RPS6KC1: variants seen among roughly 807,000 people sequenced by gnomAD.
The protein encoded by RPS6KC1 is ribosomal protein S6 kinase C1.
A neutral mutation model predicts 103.8 loss-of-function variants in RPS6KC1; 54 were observed. The observed-to-expected ratio is 0.52, with a 90% confidence interval of 0.42 to 0.65. The LOEUF (loss-of-function observed/expected upper bound fraction) is 0.65. Ranked by LOEUF, RPS6KC1 falls within the 30% of genes least tolerant of loss-of-function variation. The pLI is 0.00. For synonymous variants in RPS6KC1, 439 were observed against 438.7 expected (o/e 1.00, Z -0.01); for missense variants, 1,151 against 1,253.8 (o/e 0.92, Z 1.24).
intron 8 of RPS6KC1, among the ~76,000 whole-genome samples, chr1:213,195,427 G>C (rs2092909271): frequency 6.6e-6 from 1 of 152,016 alleles, no homozygotes; most frequent in Non-Finnish European, 1.5e-5. Flanking sequence ...GAAATAAAAA[G>C]TTTTAAAAAT....
the RPS6KC1 span, among the ~76,000 whole-genome samples, chr1:213,566,954 T>C: frequency 6.6e-6 from 1 of 152,222 alleles, no homozygotes; most frequent in East Asian, 1.9e-4. Flanking sequence ...TGCTTCCTTA[T>C]GTGCTCTTTT....
intron 3 of RPS6KC1, among the ~76,000 whole-genome samples, chr1:213,096,204 G>C (rs182594094): frequency 3.3e-5 from 5 of 152,286 alleles, no homozygotes; most frequent in African/African-American, 4.8e-5. Flanking sequence ...GACTTTCTCT[G>C]CTCGTCCATA....
chr1:213,333,887 G>C, the RPS6KC1 span, among the ~76,000 whole-genome samples: 1 of 152,112 alleles, frequency 6.6e-6, no homozygotes, highest in Non-Finnish European at 1.5e-5. Context: ...TCACAATGTT[G>C]GCCAGGCTGA....
rs74140567 is a variant in RPS6KC1, at chr1:213,134,851, A to T, written c.835+4962A>T. Among the ~76,000 whole-genome samples, 386 of 152,272 alleles carry T rather than the reference A, an allele frequency of 2.5e-3. 2 individuals carry two copies. Among genetic ancestry groups the T allele is most frequent in the African/African-American group, 8.5e-3 (354 of 41,582 alleles). On this transcript the variant is annotated intron_variant, in intron 6 of 14. Coordinates refer to ENST00000366960, the MANE Select transcript of RPS6KC1 (RefSeq NM_012424.6). ...CCTGTGGATACTGAAGGGCAACTGT[A>T]TAAGATTATAATTCTGAGAATAGAG...
chr1:213,468,985 G>A, the RPS6KC1 span, among the ~76,000 whole-genome samples: 5 of 152,194 alleles, frequency 3.3e-5, no homozygotes, highest in East Asian at 1.9e-4. Flanking sequence ...CTTACTTAGC[G>A]ACACCTCAGA....
chr1:213,375,856 G>C, the RPS6KC1 span, among the ~76,000 whole-genome samples: 1 of 152,068 alleles, frequency 6.6e-6, no homozygotes, highest in Non-Finnish European at 1.5e-5. Flanking sequence ...ATTGGCTGCT[G>C]GGGGGTCTCT....
the RPS6KC1 span, among the ~76,000 whole-genome samples, chr1:213,454,955 G>T: frequency 6.6e-6 from 1 of 152,316 alleles, no homozygotes; most frequent in East Asian, 1.9e-4. Flanking sequence ...GGTAACACTT[G>T]TTTGATCTAC....
the RPS6KC1 span, among the ~76,000 whole-genome samples, chr1:213,438,918 C>CGAG: frequency 1.3e-5 from 2 of 151,846 alleles, no homozygotes. Context: ...CTCAGCCTCC[C>CGAG]GAGTAGCTGG....
the RPS6KC1 span, among the ~76,000 whole-genome samples, chr1:213,285,475 A>G: frequency 1.3e-5 from 2 of 152,224 alleles, no homozygotes; most frequent in Non-Finnish European, 2.9e-5. Context: ...AGACCTTAGC[A>G]TACAAACTAA....
At chr1:213,192,074 C>G (rs563634968) in intron 8 of RPS6KC1, among the ~76,000 whole-genome samples, 40 of 152,070 alleles carry the variant, frequency 2.6e-4, no homozygotes, top group South Asian at 1.5e-3. Flanking sequence ...TCTTCTATCC[C>G]CAGTTTTTTG....
chr1:213,440,490 C>G, the RPS6KC1 span, among the ~76,000 whole-genome samples: 2 of 149,354 alleles, frequency 1.3e-5, no homozygotes, highest in Non-Finnish European at 3.0e-5. Context: ...ACAAGTAACT[C>G]TCTTATGAAT....
At chr1:213,434,166 G>T in the RPS6KC1 span, among the ~76,000 whole-genome samples, 1 of 145,010 alleles carries the variant, frequency 6.9e-6, no homozygotes, top group Admixed American at 7.0e-5. Context: ...CCCATTATTT[G>T]TATAGTTGCT....
the RPS6KC1 span, among the ~76,000 whole-genome samples, chr1:213,459,649 C>G: frequency 4.6e-5 from 7 of 152,018 alleles, no homozygotes; most frequent in Non-Finnish European, 7.4e-5. Flanking sequence ...TGTGTTTGCT[C>G]TTGCTTCTCT....
chr1:213,346,854 G>A, the RPS6KC1 span, among the ~76,000 whole-genome samples: 3 of 152,254 alleles, frequency 2.0e-5, no homozygotes, highest in East Asian at 5.8e-4. Context: ...AGGATGAGAC[G>A]CATGTGGAGC....
chr1:213,593,897 G>A, the RPS6KC1 span, among the ~76,000 whole-genome samples: 30 of 152,116 alleles, frequency 2.0e-4, no homozygotes, highest in African/African-American at 7.0e-4. Flanking sequence ...ACAGAGCCCT[G>A]CTCTGTTGCC....
At chr1:213,793,560 C>T in the RPS6KC1 span, among the ~76,000 whole-genome samples, 7 of 152,064 alleles carry the variant, frequency 4.6e-5, no homozygotes, top group Non-Finnish European at 8.8e-5. Context: ...CATTAGGCAC[C>T]GAGCTGCCCA....
chr1:213,857,370 G>A, the RPS6KC1 span, among the ~76,000 whole-genome samples: 3 of 152,146 alleles, frequency 2.0e-5, no homozygotes, highest in Admixed American at 1.3e-4. Context: ...TGAAAATTAT[G>A]CTTATAAAAA....
At chr1:213,472,913 A>G in the RPS6KC1 span, among the ~76,000 whole-genome samples, 1 of 152,230 alleles carries the variant, frequency 6.6e-6, no homozygotes, top group African/African-American at 2.4e-5. Context: ...ATTTCTCAGA[A>G]TATATTCATA....
the RPS6KC1 span, among the ~76,000 whole-genome samples, chr1:213,518,456 A>G: frequency 6.6e-6 from 1 of 152,202 alleles, no homozygotes; most frequent in Non-Finnish European, 1.5e-5. Flanking sequence ...GTCTGATGCC[A>G]CCAGAAGCTG....
Sources: allele counts gnomAD v4.1 joint callset (sites outside exome capture counted in the v4.1 genomes callset), GRCh38; gene constraint gnomAD v4.1.1; transcripts MANE v1.5; gene names NCBI Gene and HGNC (gene_info 2026-07-23, HGNC 2026-07-21).